OVCH1: variants seen among roughly 807,000 people sequenced by gnomAD.
The protein encoded by OVCH1 is ovochymase-1.
In OVCH1, 139 loss-of-function variants were observed where a neutral mutation model predicts 138.4. The observed-to-expected ratio is 1.00, with a 90% CI of 0.87 to 1.16. The LOEUF (loss-of-function observed/expected upper bound fraction) is 1.16, where lower values mean the gene tolerates loss of function less well. Among genes scored for constraint, OVCH1 ranks in the 50% most tolerant of loss-of-function variants. The pLI, the probability that OVCH1 is intolerant of heterozygous loss-of-function variation, is 0.00. For synonymous variants in OVCH1, 453 were observed against 467.8 expected, an observed-to-expected ratio of 0.97 and a Z score of 0.41; for missense variants, 1,367 against 1,357.9, an observed-to-expected ratio of 1.01 and a Z score of -0.11.
downstream of OVCH1, among the ~76,000 whole-genome samples, chr12:29,412,104 C>G (rs1023926481): frequency 6.6e-6 from 1 of 152,158 alleles, no homozygotes; most frequent in African/African-American, 2.4e-5. Context: ...GTAGGACCCT[C>G]TGAGCCAGGT....
chr12:29,453,299 A>G (rs1002180072), intron 21 of OVCH1, among the ~76,000 whole-genome samples: 1 of 151,946 alleles, frequency 6.6e-6, no homozygotes, highest in Non-Finnish European at 1.5e-5. Flanking sequence ...TCCTGGGTCC[A>G]CTCCTTATTC....
At chr12:29,454,736 CAG>C (rs1193845401) in intron 21 of OVCH1, 103 bp downstream of exon 21, 2 of 953,662 alleles carry the variant, frequency 2.1e-6, no homozygotes, top group East Asian at 2.7e-5. Flanking sequence ...AAGGAAAACA[CAG>C]AGGTTATAGT....
chr12:29,434,150 T>C (rs1403130015), intron 26 of OVCH1, among the ~76,000 whole-genome samples: 1 of 152,182 alleles, frequency 6.6e-6, no homozygotes. Flanking sequence ...CTAACACATA[T>C]GAACTAATCA....
exon 6 of OVCH1, chr12:29,489,707 A>G: frequency 1.9e-6 from 3 of 1,610,622 alleles, no homozygotes; most frequent in Non-Finnish European, 2.5e-6. Context: ...TGAGCACAGT[A>G]TTACACGCTC....
At chr12:29,473,333 A>AT (rs928220660) in intron 14 of OVCH1, among the ~76,000 whole-genome samples, 2 of 151,904 alleles carry the variant, frequency 1.3e-5, no homozygotes, top group African/African-American at 4.8e-5. Flanking sequence ...CTTGATATTA[A>AT]TCTCATGGTT....
intron 16 of OVCH1, among the ~76,000 whole-genome samples, chr12:29,465,594 G>A (rs568281061): frequency 3.9e-5 from 6 of 152,168 alleles, no homozygotes; most frequent in South Asian, 4.1e-4. Flanking sequence ...TCAGTTCAGC[G>A]AGGCAACAGT....
chr12:29,443,593 AC>A, intron 24 of OVCH1, 93 bp from the exon 25 acceptor site: 2 of 1,244,426 alleles, frequency 1.6e-6, no homozygotes, highest in Non-Finnish European at 1.1e-6. Flanking sequence ...AATGTTATTG[AC>A]CCCCAGTGAG....
Position 29,491,090 on chromosome 12 carries a change from C to T in OVCH1, c.550+7G>A. ...AAGAAGTATTAAGTCATTTTGGTGT[C>T]TCTTACTTTTGGAAATCTTGCCCCA... On this transcript the variant is annotated splice_region_variant and intron_variant, in intron 5 of 27. Coordinates refer to ENST00000318184, the Ensembl canonical transcript of OVCH1. 6.2e-7 allele frequency: 1 copy of T among 1,610,338 alleles called. No individual in the cohort carries two copies. The highest frequency in any genetic ancestry group is 1.1e-5 in the South Asian group (1 of 90,938).
intron 4 of OVCH1, 49 bp downstream of exon 4, chr12:29,495,236 A>G (rs760494700): frequency 6.7e-7 from 1 of 1,484,314 alleles, no homozygotes. Context: ...GTACATAATT[A>G]GCAGTTTTCC....
At chr12:29,435,060 T>C (rs2135906933) in intron 26 of OVCH1, among the ~76,000 whole-genome samples, 1 of 152,350 alleles carries the variant, frequency 6.6e-6, no homozygotes, top group Admixed American at 6.5e-5. Context: ...AATATAATAT[T>C]TTTAGCAAGT....
At chr12:29,450,882 C>T (rs1034703549) in intron 22 of OVCH1, among the ~76,000 whole-genome samples, 1 of 151,826 alleles carries the variant, frequency 6.6e-6, no homozygotes, top group East Asian at 1.9e-4. Context: ...TGGATGAAGC[C>T]GGAAACCATA....
In OVCH1 at chr12:29,444,273, C is replaced by CT. The variant is rs755750387; in HGVS notation, c.2888dup (p.Asp964GlyfsTer3). The CT allele has an allele frequency of 6.2e-7, 1 of 1,610,584 alleles. No individual in the cohort carries two copies. Among genetic ancestry groups the CT allele is most frequent in the Non-Finnish European group, 8.5e-7 (1 of 1,178,218 alleles). On this transcript the variant is annotated frameshift_variant, in exon 24 of 28. Coordinates refer to ENST00000318184, the Ensembl canonical transcript of OVCH1. LOFTEE classifies it high-confidence loss of function. ...GGGAAAGTCTGGTTATTTTACTGTCCTTTGGACCTAAAAGAACAGGAAGCA... is the reference window on the plus strand; with the variant it reads ...GGGAAAGTCTGGTTATTTTACTGTCCTTTTGGACCTAAAAGAACAGGAAGCA...
downstream of OVCH1, among the ~76,000 whole-genome samples, chr12:29,410,111 T>C: frequency 1.3e-5 from 2 of 151,878 alleles, no homozygotes; most frequent in Non-Finnish European, 2.9e-5. Context: ...GTCTGTTTTA[T>C]CAGAGACTAG....
chr12:29,420,289 G>A (rs1048306320), intron 3 of OVCH1, among the ~76,000 whole-genome samples: 1 of 152,124 alleles, frequency 6.6e-6, no homozygotes, highest in Non-Finnish European at 1.5e-5. Flanking sequence ...TTTGGGAGCA[G>A]GTATGATGAT....
At chr12:29,442,055 T>A (rs28836314) in intron 25 of OVCH1, among the ~76,000 whole-genome samples, 5,495 of 150,998 alleles carry the variant, frequency 0.036, 139 homozygotes, top group Non-Finnish European at 0.058. Context: ...ATTGTGGAAG[T>A]CAGTGTGGCG....
At position 29,433,751 on chromosome 12, in the gene OVCH1, ATAACT is replaced by A. The variant is rs953118591; in HGVS notation, c.3322_3326del (p.Ser1108Ter). 7.0e-7 allele frequency: 1 copy of A among 1,426,390 alleles called. No homozygotes were observed. The highest frequency in any genetic ancestry group is 1.4e-5 in the African/African-American group (1 of 69,614). The allele number at this position is 1,426,390 out of a possible 1,614,324, so 88.4% of individuals were successfully genotyped here. On this transcript the variant is annotated frameshift_variant and splice_region_variant, in exon 27 of 28. Transcript: ENST00000318184. LOFTEE classifies it high-confidence loss of function. Reference sequence around the variant, plus strand: ...TGTTAGTCCCTTATGATATACTTACATAACTTAAATTTGATGCAAATTTCTTCTGT... The same window carrying A: ...TGTTAGTCCCTTATGATATACTTACATAAATTTGATGCAAATTTCTTCTGT...
chr12:29,410,363 T>A (rs1292791306), downstream of OVCH1, among the ~76,000 whole-genome samples: 1 of 151,478 alleles, frequency 6.6e-6, no homozygotes, highest in East Asian at 1.9e-4. Flanking sequence ...TGATGTTAGC[T>A]GGTTATTTTG....
chr12:29,446,032 A>G (rs985740917), intron 22 of OVCH1, among the ~76,000 whole-genome samples: 3 of 152,152 alleles, frequency 2.0e-5, no homozygotes, highest in African/African-American at 4.8e-5. Context: ...ACATACAACT[A>G]TGTGGCACTG....
intron 16 of OVCH1, among the ~76,000 whole-genome samples, chr12:29,466,867 T>C (rs1352677359): frequency 6.6e-6 from 1 of 152,202 alleles, no homozygotes; most frequent in Non-Finnish European, 1.5e-5. Flanking sequence ...TTCCATTTAA[T>C]TCTTCCATTT....
Sources: gnomAD v4.1 joint callset for allele counts (sites outside exome capture counted in the v4.1 genomes callset) on GRCh38, gnomAD v4.1.1 for gene constraint, MANE v1.5 for transcripts, NCBI Gene and HGNC (gene_info 2026-07-23, HGNC 2026-07-21) for gene names.